C2CD3: variants seen among roughly 807,000 people sequenced by gnomAD.
C2CD3 encodes the protein C2 domain-containing protein 3.
Under a neutral mutation model 234.0 loss-of-function variants are expected in C2CD3, and 148 were observed. That is an observed-to-expected ratio of 0.63 (90% CI 0.55 to 0.72). C2CD3 has a LOEUF of 0.72. Ranked by LOEUF, C2CD3 falls within the 30% of genes least tolerant of loss-of-function variation. C2CD3 has a pLI of 0.00. For synonymous variants in C2CD3, 1,000 were observed against 1,035.4 expected (o/e 0.97, Z 0.66); for missense variants, 2,577 against 2,811.5 (o/e 0.92, Z 1.89).
At chr11:74,052,173 A>G (rs1387077871) in intron 26 of C2CD3, among the ~76,000 whole-genome samples, 1 of 152,194 alleles carries the variant, frequency 6.6e-6, no homozygotes, top group East Asian at 1.9e-4. Flanking sequence ...ACTTTCATTT[A>G]TGACCAGATC....
rs368605500 is a variant in C2CD3 at position 74,095,225 on chromosome 11, T to C, written c.3160+3A>G. ...AATAAGAAAGCCTAATATCTAAACCTACCATTTTCAAGGAACTCAGGTCCT... is the reference window on the plus strand; with the variant it reads ...AATAAGAAAGCCTAATATCTAAACCCACCATTTTCAAGGAACTCAGGTCCT... On this transcript the variant is annotated splice_donor_region_variant and intron_variant, in intron 17 of 32. Coordinates refer to ENST00000334126, the MANE Select transcript of C2CD3 (RefSeq NM_001286577.2). 7 of 1,604,772 alleles carry C rather than the reference T, an allele frequency of 4.4e-6. No homozygotes were observed. In the Admixed American group the frequency reaches 6.8e-5, roughly 16 times the overall value.
At chr11:74,070,460 C>A (rs140471170) in intron 24 of C2CD3, 1 of 152,198 alleles carries the variant, frequency 6.6e-6, no homozygotes, top group Non-Finnish European at 1.5e-5. Flanking sequence ...ACTATTAAGG[C>A]AAGAGGAAAG....
At chr11:74,137,936 A>G (rs2135542674) in intron 5 of C2CD3, among the ~76,000 whole-genome samples, 1 of 152,326 alleles carries the variant, frequency 6.6e-6, no homozygotes, top group Middle Eastern at 3.4e-3. Flanking sequence ...GAAAAACTAT[A>G]AACAAAATGT....
intron 11 of C2CD3, among the ~76,000 whole-genome samples, chr11:74,109,922 CA>C (rs1022296865): frequency 6.7e-6 from 1 of 148,246 alleles, no homozygotes; most frequent in Non-Finnish European, 1.5e-5. Flanking sequence ...AATACAACAA[CA>C]AAAAAAAATT....
chr11:74,132,779 TAAC>T (rs1338187767), intron 7 of C2CD3, 62 bp downstream of exon 7: 1 of 1,473,928 alleles, frequency 6.8e-7, no homozygotes, highest in Non-Finnish European at 9.4e-7. Flanking sequence ...ATGAATCTGA[TAAC>T]AATGCATACT....
rs1244072533 is a variant in C2CD3, at chr11:74,078,480, C to T, written c.4238G>A (p.Arg1413Lys). ...EPATVTISTP[R>K]LWLPIHCVLL... ...CACACAATGGATGGGCAGCCACAGCCTTGGGGTGGAGATGGTGACAGTGGC... is the reference window on the plus strand; with the variant it reads ...CACACAATGGATGGGCAGCCACAGCTTTGGGGTGGAGATGGTGACAGTGGC... Residue 1413 changes from arginine (R) to lysine (K), a missense_variant, in exon 23 of 33, where the codon AGG (arginine) becomes AAG (lysine). Physicochemically the swap from Arg to Lys is conservative, Grantham distance 26. Transcript: ENST00000334126. The T allele has an allele frequency of 6.2e-7, 1 of 1,614,186 alleles. No individual in the cohort carries two copies. Among genetic ancestry groups the T allele is most frequent in the South Asian group, 1.1e-5 (1 of 91,088 alleles).
rs1180085480 is a variant in C2CD3, at chr11:74,042,184, C to T, written c.5530G>A (p.Glu1844Lys). 1.9e-5 allele frequency: 30 copies of T among 1,600,502 alleles called. No homozygotes were observed. The highest frequency in any genetic ancestry group is 2.4e-5 in the Non-Finnish European group (28 of 1,173,756). Residue 1844 changes from glutamate to lysine, a missense_variant, in exon 29 of 33, where the codon GAA (glutamate) becomes AAA (lysine). Transcript: ENST00000334126. Reference protein sequence around the residue: ...DTTRSQASRHEEHVQNIRRFH... With the variant: ...DTTRSQASRHKEHVQNIRRFH... ...CGGCGAATGTTCTGCACATGCTCTT[C>T]ATGGCGTGATGCTTGGCTTCTTGTG...
intron 32 of C2CD3, among the ~76,000 whole-genome samples, chr11:74,027,590 C>T (rs1435028214): frequency 6.6e-6 from 1 of 152,188 alleles, no homozygotes; most frequent in African/African-American, 2.4e-5. Flanking sequence ...TGGTACTCAT[C>T]TCATCAGTCT....
At chr11:74,139,060 G>C in intron 4 of C2CD3, 93 bp from the exon 5 acceptor site, 1 of 1,126,882 alleles carries the variant, frequency 8.9e-7, no homozygotes, top group South Asian at 1.6e-5. Context: ...CAGTGGTTTT[G>C]GCAAGGTAGT....
In C2CD3 at chr11:74,054,677, A is replaced by T; in HGVS notation, c.5091-6T>A. ...GAAGCAGCTCTTTTGATAGCCTATT[A>T]AGAAAAACAACCACTGTAAACTAAA... On this transcript the variant is annotated splice_polypyrimidine_tract_variant and splice_region_variant and intron_variant, in intron 25 of 32. Coordinates refer to ENST00000334126, the MANE Select transcript of C2CD3 (RefSeq NM_001286577.2). 1 of 1,604,066 alleles carries T rather than the reference A, an allele frequency of 6.2e-7. No individual in the cohort carries two copies. The highest frequency in any genetic ancestry group is 8.5e-7 in the Non-Finnish European group (1 of 1,173,340).
Position 74,170,909 on chromosome 11 carries a change from C to T in C2CD3, c.-117G>A, listed in dbSNP as rs868409903. The T allele has an allele frequency of 1.8e-4, 280 of 1,552,282 alleles. No homozygotes were observed. The Middle Eastern group carries it at 3.3e-3, about 18-fold the overall frequency. ...CCCGGCAACCGGCGCCGCTGGGCAGCCTGGGAGGCAGGAAAAAGCGACTCT... is the reference window on the plus strand; with the variant it reads ...CCCGGCAACCGGCGCCGCTGGGCAGTCTGGGAGGCAGGAAAAAGCGACTCT... On this transcript the variant is annotated 5_prime_UTR_variant, in exon 1 of 33. Coordinates refer to ENST00000334126, the MANE Select transcript of C2CD3 (RefSeq NM_001286577.2).
intron 29 of C2CD3, 47 bp downstream of exon 29, chr11:74,042,007 T>A: frequency 6.3e-6 from 10 of 1,589,408 alleles, no homozygotes; most frequent in Non-Finnish European, 7.8e-6. Context: ...CTCATTCACC[T>A]TGTGCCCCAC....
chr11:74,153,393 A>G (rs1272522446), intron 3 of C2CD3, among the ~76,000 whole-genome samples: 1 of 152,224 alleles, frequency 6.6e-6, no homozygotes, highest in African/African-American at 2.4e-5. Flanking sequence ...AGATTAGAAA[A>G]GAAGTAAACC....
intron 7 of C2CD3, chr11:74,128,742 T>A (rs923118698): frequency 1.9e-5 from 3 of 154,960 alleles, no homozygotes; most frequent in African/African-American, 7.3e-5. Context: ...GGAGTGGTGA[T>A]GACTCTTAAC....
Position 74,033,518 on chromosome 11 carries a change from G to A in C2CD3, c.6642C>T (p.Ala2214=). 1 of 1,536,150 alleles carries A rather than the reference G, an allele frequency of 6.5e-7. No homozygotes were observed. Among genetic ancestry groups the A allele is most frequent in the Non-Finnish European group, 8.7e-7 (1 of 1,146,906 alleles). ...KSEAPAENEA[A]TSELGDSADS... ...CAGCAGAGTCACCGAGCTCACTGGT[G>A]GCAGCTTCATTCTCAGCTGGGGCCT... Residue 2214 remains alanine, a synonymous_variant, in exon 31 of 33, where the codon GCC becomes GCT. Transcript: ENST00000334126.
intron 3 of C2CD3, among the ~76,000 whole-genome samples, chr11:74,151,199 C>T (rs1001049815): frequency 6.6e-6 from 1 of 152,220 alleles, no homozygotes; most frequent in African/African-American, 2.4e-5. Context: ...GCTGGGATTA[C>T]AGGCGTCAGC....
At chr11:74,090,545 G>A (rs1228275812) in intron 20 of C2CD3, among the ~76,000 whole-genome samples, 9 of 152,208 alleles carry the variant, frequency 5.9e-5, no homozygotes, top group Admixed American at 1.3e-4. Flanking sequence ...TGGTTTGATG[G>A]TGTAGGGTAT....
In C2CD3 at chr11:74,133,456, T is replaced by C. The variant is rs369436373; in HGVS notation, c.1057A>G (p.Ile353Val). 1 of 1,613,676 alleles carries C rather than the reference T, an allele frequency of 6.2e-7. No individual in the cohort carries two copies. Among genetic ancestry groups the C allele is most frequent in the African/African-American group, 1.3e-5 (1 of 75,046 alleles). The change falls in exon 6 of 33, where the codon ATT (isoleucine) becomes GTT (valine). Residue 353 changes from isoleucine (I) to valine (V), a missense_variant. By Grantham distance (29) the Ile-to-Val change is conservative. Coordinates refer to ENST00000334126, the MANE Select transcript of C2CD3 (RefSeq NM_001286577.2). ...GATGCTCTAAGAGAATCTTCATTAA[T>C]AGGAGGATGAACTTGGTCCAACAAC... ...SMLLDQVHPPINEDSLRASTQ... is the reference protein window; with the variant it reads ...SMLLDQVHPPVNEDSLRASTQ...
chr11:74,063,324 GAA>G (rs1207145778), intron 24 of C2CD3, among the ~76,000 whole-genome samples: 4 of 151,986 alleles, frequency 2.6e-5, no homozygotes, highest in African/African-American at 9.7e-5. Context: ...AAACACAACA[GAA>G]AAAGAGAATT....
Sources: gnomAD v4.1 joint callset for allele counts (sites outside exome capture counted in the v4.1 genomes callset) on GRCh38, gnomAD v4.1.1 for gene constraint, MANE v1.5 for transcripts, NCBI Gene and HGNC (gene_info 2026-07-23, HGNC 2026-07-21) for gene names.